The following AKNA variants were observed in gnomAD, a reference collection of about 807,000 sequenced individuals.
The protein encoded by AKNA is AT-hook transcription factor.
AKNA carries 67 observed loss-of-function variants against 138.8 expected under a neutral mutation model. The ratio of observed to expected loss-of-function variants is 0.48; its 90% CI spans 0.40 to 0.59. The LOEUF (loss-of-function observed/expected upper bound fraction) is 0.59. AKNA is among the 20% of genes least tolerant of loss of function. The pLI is 0.00. For synonymous variants in AKNA, 737 were observed against 754.4 expected, an observed-to-expected ratio of 0.98 and a Z score of 0.38; for missense variants, 1,813 against 1,880.4, an observed-to-expected ratio of 0.96 and a Z score of 0.66.
At chr9:114,341,225 A>G (rs1011123443) in intron 21 of AKNA, among the ~76,000 whole-genome samples, 1 of 152,150 alleles carries the variant, frequency 6.6e-6, no homozygotes, top group Admixed American at 6.6e-5. Flanking sequence ...AAAATGGAAG[A>G]TGGTTAGGAT....
chr9:114,355,424 G>A (rs1043523372), intron 14 of AKNA, among the ~76,000 whole-genome samples: 6 of 151,268 alleles, frequency 4.0e-5, no homozygotes, highest in South Asian at 4.2e-4. Context: ...TGATCCACCC[G>A]CCTCGGCCTC....
intron 1 of AKNA, among the ~76,000 whole-genome samples, chr9:114,393,779 C>G (rs34143850): frequency 0.22 from 30,942 of 142,990 alleles, 3,398 homozygotes; most frequent in Middle Eastern, 0.32. Context: ...AAAAAAAAAA[C>G]AGTAAAATAT....
intron 21 of AKNA, among the ~76,000 whole-genome samples, chr9:114,337,947 T>G (rs1025004215): frequency 3.3e-5 from 5 of 152,174 alleles, no homozygotes; most frequent in African/African-American, 1.2e-4. Flanking sequence ...CCCATTGAGA[T>G]GAAGCACGGA....
At position 114,376,964 on chromosome 9, in the gene AKNA, C is replaced by T. The variant is rs7041998; in HGVS notation, c.843G>A (p.Arg281=). The T allele has an allele frequency of 3.2e-3, 5,215 of 1,614,172 alleles. 130 individuals carry two copies. In the African/African-American group the frequency reaches 0.06, roughly 19 times the overall value. Residue 281 remains arginine, a synonymous_variant, in exon 3 of 22, where the codon AGG becomes AGA. Coordinates refer to ENST00000374088, the MANE Select transcript of AKNA (RefSeq NM_001317950.2). ...QSPQHATDRW[R]RETTRFFCPQ... ...GGCAGAAGAATCTGGTCGTTTCTCTCCTCCATCTATCTGTGGCATGCTGCG... is the reference window on the plus strand; with the variant it reads ...GGCAGAAGAATCTGGTCGTTTCTCTTCTCCATCTATCTGTGGCATGCTGCG...
chr9:114,397,677 G>A (rs991412791), upstream of AKNA, among the ~76,000 whole-genome samples: 3 of 152,204 alleles, frequency 2.0e-5, no homozygotes, highest in Admixed American at 2.0e-4. Context: ...CCATCACACT[G>A]GGGAGAGCCC....
At position 114,337,012 on chromosome 9, in the gene AKNA, T is replaced by TGGGGGGGGGGGGGGGGC; in HGVS notation, c.*41_*42insGCCCCCCCCCCCCCCCC. The TGGGGGGGGGGGGGGGGC allele has an allele frequency of 5.8e-6, 7 of 1,208,224 alleles. No individual in the cohort carries two copies. Among genetic ancestry groups the TGGGGGGGGGGGGGGGGC allele is most frequent in the Non-Finnish European group, 7.5e-6 (7 of 929,350 alleles). The allele number at this position is 1,208,224 out of a possible 1,614,324, so 74.8% of individuals were successfully genotyped here. On this transcript the variant is annotated 3_prime_UTR_variant, in exon 22 of 22. Coordinates refer to ENST00000374088, the MANE Select transcript of AKNA (RefSeq NM_001317950.2). ...CCCACTCCTGGCCTGGCAGGCCACC[T>TGGGGGGGGGGGGGGGGC]GCCCACCCACCCACCCATCTGCCTC...
At position 114,371,808 on chromosome 9, in the gene AKNA, C is replaced by T. The variant is rs375184713; in HGVS notation, c.1416+2285G>A. ...CCCTCCCAGGTGGGTCCAGCCCTCC[C>T]CCGTGGGCTCTGAGCAGAGTGAAAT... On this transcript the variant is annotated intron_variant, in intron 4 of 21. Transcript: ENST00000374088. Among the ~76,000 whole-genome samples, 60 of 152,284 alleles carry T rather than the reference C, an allele frequency of 3.9e-4. 2 individuals carry two copies. In the South Asian group the frequency reaches 0.012, roughly 30 times the overall value.
chr9:114,342,580 AG>A (rs1177474252), intron 19 of AKNA, among the ~76,000 whole-genome samples: 1 of 150,468 alleles, frequency 6.6e-6, no homozygotes, highest in Non-Finnish European at 1.5e-5. Context: ...CTGGGGAACC[AG>A]GGGGGTCAGT....
downstream of AKNA, chr9:114,331,645 A>G (rs1317553339): frequency 6.2e-7 from 1 of 1,613,852 alleles, no homozygotes; most frequent in East Asian, 2.2e-5. Flanking sequence ...TACCTGGACG[A>G]TGAGAAGAAC....
At chr9:114,353,261 GT>G (rs111256721) in intron 14 of AKNA, among the ~76,000 whole-genome samples, 15,734 of 147,598 alleles carry the variant, frequency 0.11, 2,646 homozygotes, top group African/African-American at 0.36. Context: ...CTTATTTTTT[GT>G]TTTTTTTTTT....
At position 114,351,026 on chromosome 9, in the gene AKNA, G is replaced by A; in HGVS notation, c.3059-5C>T. 1 of 1,613,160 alleles carries A rather than the reference G, an allele frequency of 6.2e-7. No individual in the cohort carries two copies. Among genetic ancestry groups the A allele is most frequent in the Non-Finnish European group, 8.5e-7 (1 of 1,179,662 alleles). ...CAAACTCTGAGCCAGGAACCGCTAGGGAGGCAGAGAGAGAACCCAAAGTGA... is the reference window on the plus strand; with the variant it reads ...CAAACTCTGAGCCAGGAACCGCTAGAGAGGCAGAGAGAGAACCCAAAGTGA... On this transcript the variant is annotated splice_polypyrimidine_tract_variant and splice_region_variant and intron_variant, in intron 14 of 21. Coordinates refer to ENST00000374088, the MANE Select transcript of AKNA (RefSeq NM_001317950.2).
At chr9:114,353,435 T>A (rs1831272738) in intron 14 of AKNA, among the ~76,000 whole-genome samples, 1 of 152,142 alleles carries the variant, frequency 6.6e-6, no homozygotes, top group Non-Finnish European at 1.5e-5. Flanking sequence ...GGCTAATTTT[T>A]GTATTTTTAG....
chr9:114,345,951 C>T lies in AKNA; in HGVS notation c.3573G>A (p.Lys1191=), dbSNP rs1231627243. The change falls in exon 18 of 22, where the codon AAG becomes AAA. Residue 1191 remains lysine, a synonymous_variant. Transcript: ENST00000374088. ...CATCCCGAGCTGCCTGTGGACTGTC[C>T]TTGGTGGTCTTGCTCTTCTCAGAGA... ...PLFSEKSKTT[K]DSPQAARDGK... 1 of 1,614,080 alleles carries T rather than the reference C, an allele frequency of 6.2e-7. No homozygotes were observed. The highest frequency in any genetic ancestry group is 8.5e-7 in the Non-Finnish European group (1 of 1,180,004).
At chr9:114,340,289 C>T (rs923828193) in intron 21 of AKNA, among the ~76,000 whole-genome samples, 9 of 152,150 alleles carry the variant, frequency 5.9e-5, no homozygotes, top group Non-Finnish European at 7.3e-5. Flanking sequence ...CAGTCCCAAT[C>T]GACTCATTTC....
Position 114,387,946 on chromosome 9 carries a change from G to A in AKNA, c.-200C>T, listed in dbSNP as rs1258268266. 1 of 447,218 alleles carries A rather than the reference G, an allele frequency of 2.2e-6. No individual in the cohort carries two copies. Among genetic ancestry groups the A allele is most frequent in the East Asian group, 7.1e-5 (1 of 14,088 alleles). 27.7% of individuals were successfully genotyped at this position (447,218 alleles called of 1,614,324 possible). ...TTGTTCCAAACCCAGGGAGCCCCCTGTCTCCATTGCGCCCTGGCCCACCTC... is the reference window on the plus strand; with the variant it reads ...TTGTTCCAAACCCAGGGAGCCCCCTATCTCCATTGCGCCCTGGCCCACCTC... On this transcript the variant is annotated 5_prime_UTR_variant, in exon 1 of 22. Coordinates refer to ENST00000374088, the MANE Select transcript of AKNA (RefSeq NM_001317950.2).
intron 1 of AKNA, chr9:114,383,110 T>C (rs984656738): frequency 2.2e-6 from 1 of 455,820 alleles, no homozygotes; most frequent in Non-Finnish European, 4.4e-6. Flanking sequence ...GCTGGGGTAT[T>C]GAACACAGGG....
downstream of AKNA, chr9:114,331,607 G>A (rs1384357022): frequency 6.2e-7 from 1 of 1,613,966 alleles, no homozygotes; most frequent in Admixed American, 1.7e-5. Context: ...TGTTCCTTAG[G>A]GACACCAAGA....
chr9:114,394,592 G>C (rs1834471072), upstream of AKNA, among the ~76,000 whole-genome samples: 1 of 152,236 alleles, frequency 6.6e-6, no homozygotes, highest in Admixed American at 6.5e-5. Flanking sequence ...AAAAGGAAAG[G>C]AAGCAATCAG....
intron 5 of AKNA, 70 bp downstream of exon 5, chr9:114,368,369 C>G: frequency 7.7e-7 from 1 of 1,301,588 alleles, no homozygotes; most frequent in Admixed American, 3.1e-5. Flanking sequence ...CAGGGTGAAC[C>G]AAGTCAGTCC....
Sources: gnomAD v4.1 joint callset for allele counts (sites outside exome capture counted in the v4.1 genomes callset) on GRCh38, gnomAD v4.1.1 for gene constraint, MANE v1.5 for transcripts, NCBI Gene and HGNC (gene_info 2026-07-23, HGNC 2026-07-21) for gene names.